Variants in PHKB observed in about 807,000 individuals in gnomAD.
The protein encoded by PHKB is phosphorylase b kinase regulatory subunit beta.
PHKB carries 122 observed loss-of-function variants against 152.1 expected under a neutral mutation model. That is an observed-to-expected ratio of 0.80 (90% CI 0.69 to 0.93). The LOEUF (loss-of-function observed/expected upper bound fraction) is 0.93, where lower values mean the gene tolerates loss of function less well. Among genes scored for constraint, PHKB ranks in the 40% least tolerant of loss-of-function variants. The pLI is 0.00. For missense variants in PHKB, 1,304 were observed against 1,328.4 expected (o/e 0.98, Z 0.29); for synonymous variants, 436 against 464.9 (o/e 0.94, Z 0.80).
chr16:47,689,277 A>T, intron 27 of PHKB, 102 bp downstream of exon 27: 1 of 1,224,636 alleles, frequency 8.2e-7, no homozygotes, highest in Non-Finnish European at 1.2e-6. Context: ...ATTAATAAGT[A>T]AAATTCAACA....
intron 6 of PHKB, among the ~76,000 whole-genome samples, chr16:47,523,290 T>A (rs1401225244): frequency 6.6e-6 from 1 of 152,180 alleles, no homozygotes; most frequent in African/African-American, 2.4e-5. Context: ...TGTGGTGGTG[T>A]TGATGTTTAT....
In PHKB at chr16:47,461,366, G is replaced by A. The variant is rs747468650; in HGVS notation, c.16G>A (p.Gly6Arg). 1.8e-5 allele frequency: 29 copies of A among 1,611,494 alleles called. No individual in the cohort carries two copies. The highest frequency in any genetic ancestry group is 2.3e-5 in the Non-Finnish European group (27 of 1,179,430). ...CCGGAGCGCGATGGCGGGGGCGGCGGGACTCACGGCAGAAGTGAGCTGGAA... is the reference window on the plus strand; with the variant it reads ...CCGGAGCGCGATGGCGGGGGCGGCGAGACTCACGGCAGAAGTGAGCTGGAA... MAGAAGLTAEVSWKVL... is the reference protein window; with the variant it reads MAGAARLTAEVSWKVL... The change falls in exon 1 of 31, where the codon GGA (glycine) becomes AGA (arginine). Residue 6 changes from glycine to arginine, a missense_variant. Gly to Arg is a moderately radical substitution (Grantham distance 125). Coordinates refer to ENST00000323584, the MANE Select transcript of PHKB (RefSeq NM_000293.3).
chr16:47,523,490 G>A (rs1970717840), intron 6 of PHKB, among the ~76,000 whole-genome samples: 2 of 152,194 alleles, frequency 1.3e-5, no homozygotes, highest in African/African-American at 2.4e-5. Flanking sequence ...CTCACTGTAT[G>A]TGTTAGGCAT....
intron 29 of PHKB, among the ~76,000 whole-genome samples, chr16:47,697,683 C>T (rs1486685042): frequency 6.6e-6 from 1 of 152,138 alleles, no homozygotes; most frequent in African/African-American, 2.4e-5. Context: ...AACTATGAGG[C>T]GTGTTTCCTG....
chr16:47,535,550 T>TA (rs1970937407), intron 6 of PHKB, among the ~76,000 whole-genome samples: 1 of 152,208 alleles, frequency 6.6e-6, no homozygotes, highest in African/African-American at 2.4e-5. Flanking sequence ...TTTAGTAACA[T>TA]ATGGAGAGAG....
chr16:47,620,908 C>T (rs1597129840), intron 14 of PHKB, among the ~76,000 whole-genome samples: 1 of 151,842 alleles, frequency 6.6e-6, no homozygotes, highest in Non-Finnish European at 1.5e-5. Flanking sequence ...AAGAGATGTT[C>T]TAGGAAGGGC....
intron 1 of PHKB, among the ~76,000 whole-genome samples, chr16:47,472,669 A>G (rs1448248780): frequency 6.6e-6 from 1 of 152,066 alleles, no homozygotes; most frequent in African/African-American, 2.4e-5. Context: ...TGTAATCCCA[A>G]CTACTCGGGA....
chr16:47,526,385 G>A (rs527948634), intron 6 of PHKB, among the ~76,000 whole-genome samples: 3 of 152,102 alleles, frequency 2.0e-5, no homozygotes, highest in Admixed American at 2.0e-4. Context: ...ACTCCAGCCC[G>A]GGCGACAGAG....
At chr16:47,480,454 A>G (rs564738409) in intron 1 of PHKB, among the ~76,000 whole-genome samples, 1 of 152,180 alleles carries the variant, frequency 6.6e-6, no homozygotes, top group South Asian at 2.1e-4. Context: ...TTTCCTAAGT[A>G]TCCTTGTAAG....
intron 1 of PHKB, among the ~76,000 whole-genome samples, chr16:47,467,660 C>A (rs1225906381): frequency 6.6e-6 from 1 of 152,134 alleles, no homozygotes; most frequent in African/African-American, 2.4e-5. Context: ...GACTTAACCC[C>A]CTTGGCATGA....
chr16:47,607,639 A>G (rs1972350389), intron 13 of PHKB, among the ~76,000 whole-genome samples: 1 of 152,198 alleles, frequency 6.6e-6, no homozygotes, highest in South Asian at 2.1e-4. Context: ...ATGCTGCTAT[A>G]AACTTTATAT....
intron 20 of PHKB, among the ~76,000 whole-genome samples, chr16:47,655,738 C>T (rs1175697359): frequency 1.3e-5 from 2 of 152,160 alleles, no homozygotes; most frequent in Non-Finnish European, 2.9e-5. Flanking sequence ...GATATTTCAT[C>T]TAATCTTCTC....
chr16:47,558,439 G>C (rs1218837452), intron 7 of PHKB, among the ~76,000 whole-genome samples: 2 of 152,152 alleles, frequency 1.3e-5, no homozygotes, highest in African/African-American at 4.8e-5. Context: ...GATTGTGTTT[G>C]GGTTTCTAAA....
chr16:47,551,967 A>G (rs905416198), intron 7 of PHKB, among the ~76,000 whole-genome samples: 3 of 152,148 alleles, frequency 2.0e-5, no homozygotes, highest in African/African-American at 7.2e-5. Context: ...CCATTATGTA[A>G]TGGCCTTCTT....
At position 47,687,385 on chromosome 16, in the gene PHKB, A is replaced by G. The variant is rs541039884; in HGVS notation, c.2631-1656A>G. 1.4e-4 allele frequency among the ~76,000 whole-genome samples: 22 copies of G among 152,356 alleles called. No homozygotes were observed. The South Asian group carries it at 4.3e-3, about 30-fold the overall frequency. On this transcript the variant is annotated intron_variant, in intron 26 of 30. Coordinates refer to ENST00000323584, the MANE Select transcript of PHKB (RefSeq NM_000293.3). ...TTCTTGTTACTTTTATGCTTGTGTA[A>G]CGTTTTTGCTAAATACAGTCAATAA...
rs1974229659 is a variant in PHKB, at chr16:47,700,454, C to A, written c.*1088C>A. ...CATTAAGGGTCATTAAATTTTATTT[C>A]TGAATTAATGAACATATCTGGACAT... On this transcript the variant is annotated 3_prime_UTR_variant, in exon 31 of 31. Transcript: ENST00000323584. 1 of 150,980 alleles carries A rather than the reference C, an allele frequency of 6.6e-6. No individual in the cohort carries two copies. The highest frequency in any genetic ancestry group is 2.4e-5 in the African/African-American group (1 of 41,188). 9.4% of individuals were successfully genotyped at this position (150,980 alleles called of 1,614,324 possible).
intron 26 of PHKB, among the ~76,000 whole-genome samples, chr16:47,687,682 T>TAG (rs1973988807): frequency 6.6e-6 from 1 of 152,244 alleles, no homozygotes; most frequent in African/African-American, 2.4e-5. Flanking sequence ...CATCCTTGTG[T>TAG]AACTCTCATG....
At chr16:47,661,388 G>A (rs1973441227) in intron 22 of PHKB, among the ~76,000 whole-genome samples, 1 of 152,142 alleles carries the variant, frequency 6.6e-6, no homozygotes, top group Non-Finnish European at 1.5e-5. Flanking sequence ...GTCTCTCAGA[G>A]AGTGGCAAAA....
At chr16:47,685,369 G>A (rs920572391) in intron 26 of PHKB, among the ~76,000 whole-genome samples, 1 of 152,096 alleles carries the variant, frequency 6.6e-6, no homozygotes, top group African/African-American at 2.4e-5. Flanking sequence ...AGGTTGCGGT[G>A]AGCCAAGATC....
Sources: allele counts gnomAD v4.1 joint callset (sites outside exome capture counted in the v4.1 genomes callset), GRCh38; gene constraint gnomAD v4.1.1; transcripts MANE v1.5; gene names NCBI Gene and HGNC (gene_info 2026-07-23, HGNC 2026-07-21).